The following KCNQ3 variants were observed in gnomAD, a reference collection of about 807,000 sequenced individuals.
KCNQ3 encodes the protein potassium voltage-gated channel subfamily KQT member 3.
A neutral mutation model predicts 92.5 loss-of-function variants in KCNQ3; 30 were observed. That is an observed-to-expected ratio of 0.32 (90% confidence interval 0.24 to 0.44). The LOEUF (loss-of-function observed/expected upper bound fraction) is 0.44. KCNQ3 is among the 20% of genes least tolerant of loss of function. The pLI, the probability that KCNQ3 is intolerant of heterozygous loss-of-function variation, is 1.00. For missense variants in KCNQ3, 913 were observed against 1,140.3 expected (o/e 0.80, Z 2.87); for synonymous variants, 450 against 468.8 (o/e 0.96, Z 0.52).
chr8:132,156,312 G>A (rs1367092897), intron 9 of KCNQ3, among the ~76,000 whole-genome samples: 1 of 151,926 alleles, frequency 6.6e-6, no homozygotes, highest in East Asian at 2.0e-4. Flanking sequence ...CAAGAACATG[G>A]AGACACAGAA....
chr8:132,424,133 G>C (rs2597328), intron 1 of KCNQ3, among the ~76,000 whole-genome samples: 52 of 139,462 alleles, frequency 3.7e-4, no homozygotes, highest in South Asian at 4.7e-4. Flanking sequence ...CCCTCCCCCC[G>C]CCACATAGCT....
chr8:132,421,240 C>T (rs11783475), intron 1 of KCNQ3, among the ~76,000 whole-genome samples: 6,521 of 152,222 alleles, frequency 0.043, 253 homozygotes, highest in East Asian at 0.22. Flanking sequence ...TAAATATATT[C>T]ATGCATGTGA....
chr8:132,283,661 C>T (rs1420993341), intron 1 of KCNQ3, among the ~76,000 whole-genome samples: 1 of 152,180 alleles, frequency 6.6e-6, no homozygotes, highest in African/African-American at 2.4e-5. Context: ...CCAGGTTAGA[C>T]AATGGGAAAA....
At chr8:132,228,807 A>G (rs976522425) in intron 1 of KCNQ3, among the ~76,000 whole-genome samples, 1 of 151,864 alleles carries the variant, frequency 6.6e-6, no homozygotes, top group Non-Finnish European at 1.5e-5. Context: ...AAGGAGTTCT[A>G]TGAGATAGAG....
At chr8:132,410,973 G>A (rs528584366) in intron 1 of KCNQ3, among the ~76,000 whole-genome samples, 1 of 152,312 alleles carries the variant, frequency 6.6e-6, no homozygotes, top group Admixed American at 6.5e-5. Flanking sequence ...GGTATTTTCT[G>A]ACCGTTAAGT....
rs148607294 is a variant in KCNQ3, at chr8:132,263,493, T to G, written c.387-77312A>C. On this transcript the variant is annotated intron_variant, in intron 1 of 14. Transcript: ENST00000388996. ...TCAGGCTACTGCTAAGGTTGCCTCC[T>G]GAGGCTGGGGCTGGATGAGCTGGTC... 2.5e-3 allele frequency among the ~76,000 whole-genome samples: 384 copies of G among 152,330 alleles called. 1 individual carries two copies. The highest frequency in any genetic ancestry group is 8.7e-3 in the African/African-American group (360 of 41,570).
In KCNQ3 at chr8:132,175,074, C is replaced by T. The variant is rs536482389; in HGVS notation, c.933+379G>A. 1.1e-3 allele frequency among the ~76,000 whole-genome samples: 168 copies of T among 152,358 alleles called. 3 individuals are homozygous for T. The highest frequency in any genetic ancestry group is 3.9e-4 in the East Asian group (2 of 5,188). On this transcript the variant is annotated intron_variant, in intron 5 of 14. Coordinates refer to ENST00000388996, the MANE Select transcript of KCNQ3 (RefSeq NM_004519.4). ...CCTTCAGTGAATGCCAGCTTTAGTA[C>T]TGTGTGTCCTTGTGGGTGTAGGGTT... is the stretch of plus-strand genomic sequence containing the variant.
intron 8 of KCNQ3, among the ~76,000 whole-genome samples, chr8:132,167,358 G>T (rs1262100868): frequency 6.6e-6 from 1 of 152,160 alleles, no homozygotes; most frequent in Admixed American, 6.5e-5. Flanking sequence ...AGTGGTGATT[G>T]ATACCCCACT....
intron 1 of KCNQ3, among the ~76,000 whole-genome samples, chr8:132,259,148 AT>A (rs558981329): frequency 2.0e-3 from 301 of 152,138 alleles, no homozygotes; most frequent in Non-Finnish European, 3.9e-3. Context: ...CTCCCAACTC[AT>A]TTTATGAGGC....
intron 1 of KCNQ3, among the ~76,000 whole-genome samples, chr8:132,346,669 C>T (rs990939737): frequency 6.6e-6 from 1 of 152,222 alleles, no homozygotes; most frequent in African/African-American, 2.4e-5. Flanking sequence ...TTCATGTTTG[C>T]CTGGACAAAT....
intron 9 of KCNQ3, 117 bp from the exon 10 acceptor site, chr8:132,141,448 TCA>T: frequency 2.2e-6 from 2 of 897,664 alleles, no homozygotes; most frequent in Non-Finnish European, 3.6e-6. Flanking sequence ...ACCGTGCATT[TCA>T]CAGTGCTGAA....
At position 132,480,138 on chromosome 8, in the gene KCNQ3, G is replaced by T. The variant is rs372918132; in HGVS notation, c.386+9C>A. The T allele has an allele frequency of 6.2e-7, 1 of 1,610,454 alleles. No homozygotes were observed. Among genetic ancestry groups the T allele is most frequent in the Middle Eastern group, 1.7e-4 (1 of 5,984 alleles). ...CCGCCGAGGGCGCCCCGAGCGGCCG[G>T]GTACTCACACCAACGCGTGGTAAAG... is the stretch of plus-strand genomic sequence containing the variant. On this transcript the variant is annotated intron_variant, in intron 1 of 14. Coordinates refer to ENST00000388996, the MANE Select transcript of KCNQ3 (RefSeq NM_004519.4).
At chr8:132,270,130 G>GA (rs35906701) in intron 1 of KCNQ3, among the ~76,000 whole-genome samples, 87,331 of 148,168 alleles carry the variant, frequency 0.59, 26,261 homozygotes, top group East Asian at 0.76. Flanking sequence ...TGATTTTCCT[G>GA]AAAAAAAAAA....
chr8:132,465,188 C>T (rs1327301616), intron 1 of KCNQ3, among the ~76,000 whole-genome samples: 1 of 152,186 alleles, frequency 6.6e-6, no homozygotes, highest in East Asian at 1.9e-4. Flanking sequence ...ATTTTCTCCA[C>T]AAAAGATGTG....
rs890468651 is a variant in KCNQ3, at chr8:132,128,163, T to C, written c.*1099A>G. The stretch of plus-strand genomic sequence containing the variant: ...AGGATGCATTATATAAATGGAAGAA[T>C]GGTGTGGTGAGGGGAAACAAGGTCA... On this transcript the variant is annotated 3_prime_UTR_variant, in exon 15 of 15. Coordinates refer to ENST00000388996, the MANE Select transcript of KCNQ3 (RefSeq NM_004519.4). The C allele has an allele frequency of 1.3e-5, 2 of 152,122 alleles. No individual in the cohort carries two copies. The highest frequency in any genetic ancestry group is 1.9e-4 in the East Asian group (1 of 5,186). The allele number at this position is 152,122 out of a possible 1,614,324, so 9.4% of individuals were successfully genotyped here. A position where few individuals can be genotyped will look rare whatever the true frequency, so the allele number is the denominator to read the frequency against.
At chr8:132,193,915 C>A (rs571126981) in intron 1 of KCNQ3, among the ~76,000 whole-genome samples, 13 of 152,302 alleles carry the variant, frequency 8.5e-5, no homozygotes, top group Admixed American at 8.5e-4. Context: ...GGCAGCCTGG[C>A]CTGCTGCTCT....
intron 1 of KCNQ3, among the ~76,000 whole-genome samples, chr8:132,306,877 G>A (rs1301347508): frequency 5.9e-5 from 9 of 152,164 alleles, no homozygotes; most frequent in Admixed American, 5.9e-4. Flanking sequence ...TAAGTTGAGA[G>A]GTGGTGGAGG....
intron 4 of KCNQ3, among the ~76,000 whole-genome samples, chr8:132,177,453 A>G (rs1826601024): frequency 6.6e-6 from 1 of 152,150 alleles, no homozygotes; most frequent in Non-Finnish European, 1.5e-5. Context: ...GATGGGAGTG[A>G]ATCCCTCCTT....
intron 1 of KCNQ3, among the ~76,000 whole-genome samples, chr8:132,468,160 T>A (rs1284680119): frequency 6.6e-6 from 1 of 152,230 alleles, no homozygotes; most frequent in Non-Finnish European, 1.5e-5. Flanking sequence ...ATTTTTCAGA[T>A]TGGCATTACC....
Sources: gnomAD v4.1 joint callset for allele counts (sites outside exome capture counted in the v4.1 genomes callset) on GRCh38, gnomAD v4.1.1 for gene constraint, MANE v1.5 for transcripts, NCBI Gene and HGNC (gene_info 2026-07-23, HGNC 2026-07-21) for gene names.